The following KCNH1 variants were observed in gnomAD, a reference collection of about 807,000 sequenced individuals.
The protein encoded by KCNH1 is voltage-gated delayed rectifier potassium channel KCNH1.
A neutral mutation model predicts 69.2 loss-of-function variants in KCNH1; 27 were observed. That is an observed-to-expected ratio of 0.39 (90% confidence interval 0.29 to 0.54). KCNH1 has a LOEUF of 0.54. Among genes scored for constraint, KCNH1 ranks in the 20% least tolerant of loss-of-function variants. The pLI is 0.68. For synonymous variants in KCNH1, 456 were observed against 487.7 expected, an observed-to-expected ratio of 0.93 and a Z score of 0.86; for missense variants, 798 against 1,261.6, an observed-to-expected ratio of 0.63 and a Z score of 5.57.
At chr1:211,080,627 C>A (rs542965191) in intron 5 of KCNH1, among the ~76,000 whole-genome samples, 3 of 152,276 alleles carry the variant, frequency 2.0e-5, no homozygotes, top group African/African-American at 7.2e-5. Flanking sequence ...GATATATAGA[C>A]TAATGGAACA....
intron 8 of KCNH1, among the ~76,000 whole-genome samples, chr1:210,802,783 C>G (rs1489568881): frequency 6.6e-6 from 1 of 152,178 alleles, no homozygotes; most frequent in East Asian, 1.9e-4. Context: ...ATGATTAAGG[C>G]ACAAACTCTT....
chr1:210,929,508 T>C (rs908564029), intron 6 of KCNH1, among the ~76,000 whole-genome samples: 2 of 152,080 alleles, frequency 1.3e-5, no homozygotes, highest in Non-Finnish European at 2.9e-5. Flanking sequence ...CAGCAAAATC[T>C]GCAGAGAAGG....
At position 210,716,431 on chromosome 1, in the gene KCNH1, C is replaced by CAAAAAAAAAAAAAAA. The variant is rs58725705; in HGVS notation, c.2113-32308_2113-32294dup. The stretch of plus-strand genomic sequence containing the variant: ...TGGGCGACAGAGCAAGACTCCGTCT[C>CAAAAAAAAAAAAAAA]AAAAAAAAAAAAAAAAAGCATGTTA... On this transcript the variant is annotated intron_variant, in intron 10 of 10. Coordinates refer to ENST00000271751, the MANE Select transcript of KCNH1 (RefSeq NM_172362.3). 1.2e-4 allele frequency among the ~76,000 whole-genome samples: 11 copies of CAAAAAAAAAAAAAAA among 91,950 alleles called. 1 individual carries two copies. The highest frequency in any genetic ancestry group is 4.3e-4 in the African/African-American group (9 of 20,932). The allele number at this position is 91,950 out of a possible 152,430, so 60.3% of individuals were successfully genotyped here.
intron 6 of KCNH1, among the ~76,000 whole-genome samples, chr1:210,974,216 G>A (rs1239429068): frequency 1.3e-5 from 2 of 152,152 alleles, no homozygotes; most frequent in East Asian, 1.9e-4. Flanking sequence ...CTAGTGAGTT[G>A]AGCATTTTTA....
chr1:210,803,924 A>G (rs1684478560), intron 8 of KCNH1, 43 bp downstream of exon 8: 1 of 1,576,746 alleles, frequency 6.3e-7, no homozygotes, highest in South Asian at 1.2e-5. Flanking sequence ...TCCTAGGGAA[A>G]CCAAAAGACA....
chr1:210,813,451 T>C (rs1384849649), intron 7 of KCNH1, among the ~76,000 whole-genome samples: 1 of 152,156 alleles, frequency 6.6e-6, no homozygotes, highest in Non-Finnish European at 1.5e-5. Flanking sequence ...AGAGTAAGTG[T>C]AGACAAGGGG....
intron 5 of KCNH1, among the ~76,000 whole-genome samples, chr1:211,038,251 A>G (rs1689933899): frequency 6.6e-6 from 1 of 151,968 alleles, no homozygotes; most frequent in Non-Finnish European, 1.5e-5. Flanking sequence ...ATGAGCCACC[A>G]CACCCAGCCA....
At chr1:210,833,018 T>A (rs1312646456) in intron 7 of KCNH1, among the ~76,000 whole-genome samples, 2 of 151,476 alleles carry the variant, frequency 1.3e-5, no homozygotes, top group Admixed American at 6.6e-5. Context: ...CCTAAACATT[T>A]AGCTTTAAGT....
At chr1:211,127,946 C>T (rs1399039077) in intron 1 of KCNH1, among the ~76,000 whole-genome samples, 5 of 152,232 alleles carry the variant, frequency 3.3e-5, no homozygotes, top group South Asian at 2.1e-4. Context: ...AGTGGCAGAT[C>T]GGACACAATG....
At chr1:210,958,700 T>C (rs768750825) in intron 6 of KCNH1, among the ~76,000 whole-genome samples, 3 of 152,246 alleles carry the variant, frequency 2.0e-5, no homozygotes, top group Non-Finnish European at 4.4e-5. Flanking sequence ...CTTGATCAAA[T>C]TGGCTACTGA....
At position 210,678,753 on chromosome 1, in the gene KCNH1, A is replaced by AG. The variant is rs1427453762; in HGVS notation, c.*4527dup. On this transcript the variant is annotated 3_prime_UTR_variant, in exon 11 of 11. Transcript: ENST00000271751. ...GGAATATTAAGAGAATACATTCATT[A>AG]GGGGAGGGTGCATCCTTCAACATAA... 2 of 152,222 alleles carry AG rather than the reference A, an allele frequency of 1.3e-5. No homozygotes were observed. 9.4% of individuals were successfully genotyped at this position (152,222 alleles called of 1,614,324 possible). A position where few individuals can be genotyped will look rare whatever the true frequency, so the allele number is the denominator to read the frequency against.
intron 6 of KCNH1, among the ~76,000 whole-genome samples, chr1:210,996,701 G>A (rs1391838104): frequency 1.3e-5 from 2 of 152,332 alleles, no homozygotes; most frequent in East Asian, 3.9e-4. Flanking sequence ...GTGGGTCCTT[G>A]ACCCCTGAGC....
rs1420236413 is a variant in KCNH1, at chr1:211,084,710, A to G, written c.440-1812T>C. On this transcript the variant is annotated intron_variant, in intron 4 of 10. Coordinates refer to ENST00000271751, the MANE Select transcript of KCNH1 (RefSeq NM_172362.3). ...TACACTTCTACCCAGCATGGGCAGG[A>G]AAGAAGGAAATAAGTTTTCGCCCAA... Among the ~76,000 whole-genome samples, 3 of 152,362 alleles carry G rather than the reference A, an allele frequency of 2.0e-5. No individual in the cohort carries two copies. The East Asian group carries it at 5.8e-4, about 29-fold the overall frequency.
chr1:211,050,260 TAAAAAAAAAAA>T lies in KCNH1; in HGVS notation c.559-31015_559-31005del, dbSNP rs747498526. Among the ~76,000 whole-genome samples, 56 of 58,570 alleles carry T rather than the reference TAAAAAAAAAAA, an allele frequency of 9.6e-4. 1 individual carries two copies. The highest frequency in any genetic ancestry group is 3.6e-3 in the East Asian group (6 of 1,650). The allele number at this position is 58,570 out of a possible 152,430, so 38.4% of individuals were successfully genotyped here. A position where few individuals can be genotyped will look rare whatever the true frequency, so the allele number is the denominator to read the frequency against. On this transcript the variant is annotated intron_variant, in intron 5 of 10. Transcript: ENST00000271751. ...AGGACAAACTCAGCCCACACATTCT[TAAAAAAAAAAA>T]AAAAAAAAAAAAAAAAAAAGGACAG...
chr1:210,685,323 A>C (rs1681386883), intron 10 of KCNH1, among the ~76,000 whole-genome samples: 1 of 152,208 alleles, frequency 6.6e-6, no homozygotes, highest in South Asian at 2.1e-4. Flanking sequence ...GAGATTGTGT[A>C]GAATTAGAGG....
intron 6 of KCNH1, among the ~76,000 whole-genome samples, chr1:210,952,447 C>G (rs1465963271): frequency 6.6e-6 from 1 of 152,176 alleles, no homozygotes; most frequent in Non-Finnish European, 1.5e-5. Flanking sequence ...AAACATCAAG[C>G]CTGGTCACTT....
intron 7 of KCNH1, among the ~76,000 whole-genome samples, chr1:210,846,180 A>AAT (rs1685542414): frequency 6.6e-6 from 1 of 152,230 alleles, no homozygotes; most frequent in Non-Finnish European, 1.5e-5. Flanking sequence ...ATTCAATGCC[A>AAT]TCGCCATCAA....
chr1:211,116,183 T>A (rs1279956095), intron 1 of KCNH1, among the ~76,000 whole-genome samples: 1 of 152,002 alleles, frequency 6.6e-6, no homozygotes, highest in East Asian at 1.9e-4. Context: ...ATAGAAAAAA[T>A]ATCCTAAAAT....
intron 10 of KCNH1, among the ~76,000 whole-genome samples, chr1:210,763,900 G>A (rs750749615): frequency 3.3e-5 from 5 of 151,740 alleles, no homozygotes; most frequent in African/African-American, 7.3e-5. Flanking sequence ...AAAAAACAGC[G>A]CAAATAACCA....
Sources: allele counts gnomAD v4.1 joint callset (sites outside exome capture counted in the v4.1 genomes callset), GRCh38; gene constraint gnomAD v4.1.1; transcripts MANE v1.5; gene names NCBI Gene and HGNC (gene_info 2026-07-23, HGNC 2026-07-21).